Variants in ECI1 observed in about 807,000 individuals in gnomAD.
The protein encoded by ECI1 is enoyl-CoA delta isomerase 1.
In ECI1, 34 loss-of-function variants were observed where a neutral mutation model predicts 34.2. The observed-to-expected ratio is 1.00, with a 90% confidence interval of 0.76 to 1.33. The LOEUF (loss-of-function observed/expected upper bound fraction) is 1.33, where lower values mean the gene tolerates loss of function less well. Among genes scored for constraint, ECI1 ranks in the 40% most tolerant of loss-of-function variants. The pLI is 0.00. For synonymous variants in ECI1, 211 were observed against 193.0 expected, an observed-to-expected ratio of 1.09 and a Z score of -0.77; for missense variants, 456 against 422.2, an observed-to-expected ratio of 1.08 and a Z score of -0.70.
Position 2,243,379 on chromosome 16 carries a change from C to T in ECI1, c.502G>A (p.Asp168Asn). 1 of 1,613,670 alleles carries T rather than the reference C, an allele frequency of 6.2e-7. No individual in the cohort carries two copies. The highest frequency in any genetic ancestry group is 8.5e-7 in the Non-Finnish European group (1 of 1,179,992). ...AGTCCTATGCAGTACCTGGGGTTGT[C>T]CGCCAGGATGCGGTAGTCACAGGTC... ...ALTCDYRILADNPRYCIGLNE... is the reference protein window; with the variant it reads ...ALTCDYRILANNPRYCIGLNE... The change falls in exon 5 of 7, where the codon GAC becomes AAC. Residue 168 changes from aspartate to asparagine, a missense_variant. Asp to Asn is a conservative substitution (Grantham distance 23, BLOSUM62 1). Transcript: ENST00000301729.
intron 4 of ECI1, chr16:2,244,177 G>C: frequency 3.4e-6 from 2 of 594,702 alleles, no homozygotes; most frequent in Non-Finnish European, 6.0e-6. Flanking sequence ...CTACCCACTG[G>C]CTCTTTTCTG....
In ECI1 at chr16:2,239,882, A is replaced by G; in HGVS notation, c.*97T>C. The G allele has an allele frequency of 7.5e-7, 1 of 1,331,822 alleles. No homozygotes were observed. The highest frequency in any genetic ancestry group is 1.1e-6 in the Non-Finnish European group (1 of 925,760). The allele number at this position is 1,331,822 out of a possible 1,614,324, so 82.5% of individuals were successfully genotyped here. A position where few individuals can be genotyped will look rare whatever the true frequency, so the allele number is the denominator to read the frequency against. On this transcript the variant is annotated 3_prime_UTR_variant, in exon 7 of 7. Transcript: ENST00000301729. ...TTCTACGTAACATCAGCAAAATGAA[A>G]CGCTGGCAGTACTTTTAAGTTGAAA...
chr16:2,239,884 G>T lies in ECI1; in HGVS notation c.*95C>A. 1 of 1,338,726 alleles carries T rather than the reference G, an allele frequency of 7.5e-7. No homozygotes were observed. Among genetic ancestry groups the T allele is most frequent in the Non-Finnish European group, 1.1e-6 (1 of 932,000 alleles). 82.9% of individuals were successfully genotyped at this position (1,338,726 alleles called of 1,614,324 possible). A position where few individuals can be genotyped will look rare whatever the true frequency, so the allele number is the denominator to read the frequency against. ...CTACGTAACATCAGCAAAATGAAACGCTGGCAGTACTTTTAAGTTGAAAAA... is the reference window on the plus strand; with the variant it reads ...CTACGTAACATCAGCAAAATGAAACTCTGGCAGTACTTTTAAGTTGAAAAA... On this transcript the variant is annotated 3_prime_UTR_variant, in exon 7 of 7. Transcript: ENST00000301729.
chr16:2,244,570 G>C lies in ECI1; in HGVS notation c.295-18C>G, dbSNP rs1022662691. Reference sequence around the variant, plus strand: ...GGGCGGTCCTGCAGGGGGAGCCGGGGCCACATGCCCATCAGAGTCCACCTC... The same window carrying C: ...GGGCGGTCCTGCAGGGGGAGCCGGGCCCACATGCCCATCAGAGTCCACCTC... On this transcript the variant is annotated intron_variant, in intron 3 of 6. Transcript: ENST00000301729. The C allele has an allele frequency of 1.3e-6, 2 of 1,569,540 alleles. No homozygotes were observed. Among genetic ancestry groups the C allele is most frequent in the African/African-American group, 1.4e-5 (1 of 74,024 alleles).
intron 6 of ECI1, chr16:2,241,223 G>A (rs1596783104): frequency 6.6e-6 from 1 of 152,112 alleles, no homozygotes; most frequent in Non-Finnish European, 1.5e-5. Flanking sequence ...TACAGCACAG[G>A]AAATGGCAGC....
In ECI1 at chr16:2,244,566, CGGGGCCA is replaced by C; in HGVS notation, c.295-21_295-15del. On this transcript the variant is annotated splice_polypyrimidine_tract_variant and intron_variant, in intron 3 of 6. Coordinates refer to ENST00000301729, the MANE Select transcript of ECI1 (RefSeq NM_001919.4). ...ACCCGGGCGGTCCTGCAGGGGGAGC[CGGGGCCA>C]CATGCCCATCAGAGTCCACCTCCCA... The C allele has an allele frequency of 6.4e-7, 1 of 1,572,006 alleles. No individual in the cohort carries two copies. The highest frequency in any genetic ancestry group is 8.6e-7 in the Non-Finnish European group (1 of 1,158,974).
chr16:2,250,235 G>C (rs2093550037), intron 2 of ECI1, among the ~76,000 whole-genome samples: 1 of 139,768 alleles, frequency 7.2e-6, no homozygotes, highest in African/African-American at 2.7e-5. Context: ...CTCCAGTCTG[G>C]CGACTGGAGA....
chr16:2,249,083 T>C (rs2093546831), intron 2 of ECI1, among the ~76,000 whole-genome samples: 1 of 152,140 alleles, frequency 6.6e-6, no homozygotes, highest in African/African-American at 2.4e-5. Flanking sequence ...TCTTGCTCTG[T>C]TGCCCAGGCT....
chr16:2,251,578 C>A lies in ECI1; in HGVS notation c.-12G>T, dbSNP rs746202495. 17 of 1,552,656 alleles carry A rather than the reference C, an allele frequency of 1.1e-5. No homozygotes were observed. In the African/African-American group the frequency reaches 1.9e-4, roughly 17 times the overall value. On this transcript the variant is annotated 5_prime_UTR_variant, in exon 1 of 7. Coordinates refer to ENST00000301729, the MANE Select transcript of ECI1 (RefSeq NM_001919.4). ...GCCACCAGCGCCATCTTGACCGCAA[C>A]GCGCGGGATAAAGGTCGCGGGCTGA...
chr16:2,250,968 C>CA (rs1226075004), intron 2 of ECI1, among the ~76,000 whole-genome samples: 3 of 152,154 alleles, frequency 2.0e-5, no homozygotes, highest in Non-Finnish European at 4.4e-5. Context: ...CGCACCACCA[C>CA]GCCCAGCTAA....
In ECI1 at chr16:2,244,266, G is replaced by A. The variant is rs553893956; in HGVS notation, c.441+140C>T. 14 of 1,034,330 alleles carry A rather than the reference G, an allele frequency of 1.4e-5. No individual in the cohort carries two copies. The East Asian group carries it at 1.6e-4, about 12-fold the overall frequency. The allele number at this position is 1,034,330 out of a possible 1,614,324, so 64.1% of individuals were successfully genotyped here. ...AACACGCCCCGTGGTCTGCGATGGC[G>A]CTCACCTGTGCACATCTCAGGGCCT... On this transcript the variant is annotated intron_variant, in intron 4 of 6. Transcript: ENST00000301729.
intron 3 of ECI1, among the ~76,000 whole-genome samples, 156 bp downstream of exon 3, chr16:2,246,703 G>A (rs1212390699): frequency 2.0e-5 from 3 of 152,228 alleles, no homozygotes; most frequent in Admixed American, 6.5e-5. Flanking sequence ...GAAGCCTCCC[G>A]TGAAGGCGCC....
rs1211977857 is a variant in ECI1 at position 2,244,444 on chromosome 16, A to C, written c.403T>G (p.Leu135Val). Residue 135 changes from leucine (L) to valine (V), a missense_variant, in exon 4 of 7, where the codon TTG becomes GTG. Transcript: ENST00000301729. ...WKAVQELWLR[L>V]YQSNLVLVSA... ...ACCAGCACCAGGTTGGACTGGTACA[A>C]CCGCAGCCACAGCTCCTGAACGGCC... 6.2e-7 allele frequency: 1 copy of C among 1,612,088 alleles called. No homozygotes were observed. Among genetic ancestry groups the C allele is most frequent in the Admixed American group, 1.7e-5 (1 of 59,912 alleles).
At chr16:2,240,454 A>C (rs916473036) in intron 6 of ECI1, 1 of 340,966 alleles carries the variant, frequency 2.9e-6, no homozygotes, top group South Asian at 2.8e-5. Flanking sequence ...CAGGTGATCC[A>C]CCCATCTCGG....
At chr16:2,249,194 C>T (rs1368144129) in intron 2 of ECI1, among the ~76,000 whole-genome samples, 6 of 151,952 alleles carry the variant, frequency 3.9e-5, no homozygotes, top group African/African-American at 1.5e-4. Flanking sequence ...TACAGGTGCC[C>T]GCCACCACGC....
rs1299518126 is a variant in ECI1, at chr16:2,251,562, G to A, written c.5C>T (p.Ala2Val). The A allele has an allele frequency of 5.1e-6, 8 of 1,557,074 alleles. No individual in the cohort carries two copies. The highest frequency in any genetic ancestry group is 1.4e-5 in the African/African-American group (1 of 73,456). ...CGGGACTCGCACAGAAGCCACCAGC[G>A]CCATCTTGACCGCAACGCGCGGGAT... M[A>V]LVASVRVPAR... Residue 2 changes from alanine (A) to valine (V), a missense_variant, in exon 1 of 7, where the codon GCG becomes GTG. Physicochemically the swap from Ala to Val is moderately conservative, Grantham distance 64. Transcript: ENST00000301729.
intron 4 of ECI1, chr16:2,244,170 C>T: frequency 3.4e-6 from 2 of 588,048 alleles, no homozygotes; most frequent in Non-Finnish European, 6.1e-6. Flanking sequence ...CTGGTCCCTA[C>T]CCACTGGCTC....
At position 2,239,687 on chromosome 16, in the gene ECI1, A is replaced by T; in HGVS notation, c.*292T>A. The T allele has an allele frequency of 2.2e-6, 1 of 451,676 alleles. No individual in the cohort carries two copies. Among genetic ancestry groups the T allele is most frequent in the South Asian group, 2.1e-5 (1 of 48,612 alleles). The allele number at this position is 451,676 out of a possible 1,614,324, so 28.0% of individuals were successfully genotyped here. The stretch of plus-strand genomic sequence containing the variant: ...ACTTGACTTACGATTCTGCCTTGGG[A>T]ACAGAGACACTCCGTGGCAACCTCA... On this transcript the variant is annotated 3_prime_UTR_variant, in exon 7 of 7. Transcript: ENST00000301729.
At chr16:2,241,218 C>A (rs2093527534) in intron 6 of ECI1, 1 of 152,090 alleles carries the variant, frequency 6.6e-6, no homozygotes, top group Non-Finnish European at 1.5e-5. Flanking sequence ...TGTCTTACAG[C>A]ACAGGAAATG....
Sources: allele counts gnomAD v4.1 joint callset (sites outside exome capture counted in the v4.1 genomes callset), GRCh38; gene constraint gnomAD v4.1.1; transcripts MANE v1.5; gene names NCBI Gene and HGNC (gene_info 2026-07-23, HGNC 2026-07-21).